Variants in CLCN2 observed in about 807,000 individuals in gnomAD.
CLCN2 encodes chloride channel protein 2.
In CLCN2, 72 loss-of-function variants were observed where a neutral mutation model predicts 108.3. The observed-to-expected ratio is 0.66, with a 90% CI of 0.55 to 0.81. The LOEUF (loss-of-function observed/expected upper bound fraction) is 0.81, where lower values mean the gene tolerates loss of function less well. CLCN2 is among the 30% of genes least tolerant of loss of function. The pLI is 0.00. For synonymous variants in CLCN2, 471 were observed against 467.1 expected (o/e 1.01, Z -0.11); for missense variants, 1,048 against 1,205.2 (o/e 0.87, Z 1.93).
chr3:184,360,848 C>T (rs1711980668), intron 1 of CLCN2, among the ~76,000 whole-genome samples: 1 of 152,216 alleles, frequency 6.6e-6, no homozygotes. Flanking sequence ...TCCTGCTTCA[C>T]CCACCCTCCC....
rs141074059 is a variant in CLCN2 at position 184,357,361 on chromosome 3, C to T, written c.898+1G>A. Reference sequence around the variant, plus strand: ...TGCCCTCATCCCCTGGGTGCCCCCACCTTCATCCCGGTTCCAGACTGCCAA... The same window carrying T: ...TGCCCTCATCCCCTGGGTGCCCCCATCTTCATCCCGGTTCCAGACTGCCAA... On this transcript the variant is annotated splice_donor_variant, in intron 8 of 23. Transcript: ENST00000265593. LOFTEE classifies it high-confidence loss of function. 1.3e-5 allele frequency: 21 copies of T among 1,613,960 alleles called. No individual in the cohort carries two copies. In the African/African-American group the frequency reaches 2.7e-4, roughly 21 times the overall value.
At chr3:184,347,438 A>G (rs2108553923) in intron 22 of CLCN2, 1 of 334,948 alleles carries the variant, frequency 3.0e-6, no homozygotes, top group Admixed American at 4.1e-5. Flanking sequence ...GGGGCTCAAC[A>G]GTGAAGTGAC....
Position 184,355,201 on chromosome 3 carries a change from G to A in CLCN2, c.1326+173C>T. On this transcript the variant is annotated intron_variant, in intron 12 of 23. Transcript: ENST00000265593. This position sits in a 1 kb window ranked among gnomAD's most constrained non-coding sequence, Gnocchi z 6.3. ...CAGATCATCGCTCTGCCCTCTAGCTGTGTGACTTTGGGCCAGCTACTTGTG... is the reference window on the plus strand; with the variant it reads ...CAGATCATCGCTCTGCCCTCTAGCTATGTGACTTTGGGCCAGCTACTTGTG... 2.4e-6 allele frequency: 2 copies of A among 829,102 alleles called. No homozygotes were observed. The highest frequency in any genetic ancestry group is 2.0e-6 in the Non-Finnish European group (1 of 491,286). The allele number at this position is 829,102 out of a possible 1,614,324, so 51.4% of individuals were successfully genotyped here. A position where few individuals can be genotyped will look rare whatever the true frequency, so the allele number is the denominator to read the frequency against.
At chr3:184,351,945 A>AG in intron 22 of CLCN2, 68 bp downstream of exon 22, 1 of 1,167,766 alleles carries the variant, frequency 8.6e-7, no homozygotes, top group Non-Finnish European at 1.3e-6. Context: ...CCAAACTTGT[A>AG]GGGGGACCAA....
intron 15 of CLCN2, 99 bp downstream of exon 15, chr3:184,354,002 C>T (rs902562888): frequency 3.0e-5 from 43 of 1,409,872 alleles, no homozygotes; most frequent in Middle Eastern, 4.6e-4. Flanking sequence ...CATCTCCCAG[C>T]TTCGTAGGCT....
intron 22 of CLCN2, chr3:184,349,716 A>G (rs893077903): frequency 6.6e-6 from 1 of 152,226 alleles, no homozygotes; most frequent in Non-Finnish European, 1.5e-5. Flanking sequence ...TAGAAAACCC[A>G]GTGAGGTGTG....
Position 184,361,597 on chromosome 3 carries a change from G to T in CLCN2, c.-118C>A. 1.0e-6 allele frequency: 1 copy of T among 997,266 alleles called. No individual in the cohort carries two copies. The highest frequency in any genetic ancestry group is 1.4e-6 in the Non-Finnish European group (1 of 731,646). The allele number at this position is 997,266 out of a possible 1,614,324, so 61.8% of individuals were successfully genotyped here. On this transcript the variant is annotated 5_prime_UTR_variant, in exon 1 of 24. Coordinates refer to ENST00000265593, the MANE Select transcript of CLCN2 (RefSeq NM_004366.6). This position sits in a 1 kb window ranked among gnomAD's most constrained non-coding sequence, Gnocchi z 6.6. ...GTCCCCGCAGCCCGGGAGGCCGAGA[G>T]CAGAGTGCGGCGGGCCCCCGGCGGG...
Position 184,346,254 on chromosome 3 carries a change from T to C in CLCN2, c.*352A>G, listed in dbSNP as rs574650604. On this transcript the variant is annotated 3_prime_UTR_variant, in exon 24 of 24. Transcript: ENST00000265593. This position sits in a 1 kb window ranked among gnomAD's most constrained non-coding sequence, Gnocchi z 6.0. ...AAGAATTTGTTTTATTAAATTAATA[T>C]AAAAATCTTTGTAAATCTCTATATA... 3 of 284,372 alleles carry C rather than the reference T, an allele frequency of 1.1e-5. No individual in the cohort carries two copies. The highest frequency in any genetic ancestry group is 2.0e-5 in the Non-Finnish European group (3 of 147,556). 17.6% of individuals were successfully genotyped at this position (284,372 alleles called of 1,614,324 possible). A position where few individuals can be genotyped will look rare whatever the true frequency, so the allele number is the denominator to read the frequency against.
chr3:184,355,393 A>G lies in CLCN2; in HGVS notation c.1307T>C (p.Val436Ala), dbSNP rs1290392424. 1 of 1,613,920 alleles carries G rather than the reference A, an allele frequency of 6.2e-7. No homozygotes were observed. The highest frequency in any genetic ancestry group is 1.1e-5 in the South Asian group (1 of 91,068). Residue 436 changes from valine (V) to alanine (A), a missense_variant, in exon 12 of 24, where the codon GTC becomes GCC. By Grantham distance (64) the Val-to-Ala change is moderately conservative. Coordinates refer to ENST00000265593, the MANE Select transcript of CLCN2 (RefSeq NM_004366.6). The surrounding 1 kb of genome is among the most constrained non-coding windows in gnomAD (Gnocchi z 6.3). ...GCCCACCTTCATGAGAATGAAGATG[A>G]CCAGGGTGAGGAAGACGTTGGCACG... ...PPRANVFLTL[V>A]IFILMKFWMS...
chr3:184,352,694 C>T (rs777222238), intron 19 of CLCN2, 43 bp downstream of exon 19: 15 of 1,600,746 alleles, frequency 9.4e-6, no homozygotes, highest in Non-Finnish European at 1.3e-5. Context: ...GGAGAGGGAG[C>T]TGGGGAAAAA....
chr3:184,348,071 G>C (rs1007733654), intron 22 of CLCN2: 2 of 152,202 alleles, frequency 1.3e-5, no homozygotes, highest in Non-Finnish European at 2.9e-5. Context: ...CAATTACTCA[G>C]AACTCACTTA....
chr3:184,353,499 G>A (rs1329138859), intron 16 of CLCN2, 77 bp from the exon 17 acceptor site: 4 of 1,543,568 alleles, frequency 2.6e-6, no homozygotes, highest in African/African-American at 2.7e-5. Context: ...ACTCAGAGTG[G>A]GGGGCCTTGC....
Position 184,354,155 on chromosome 3 carries a change from A to G in CLCN2, c.1667T>C (p.Ile556Thr), listed in dbSNP as rs1353899025. Residue 556 changes from isoleucine (I) to threonine (T), a missense_variant, in exon 15 of 24, where the codon ATC (isoleucine) becomes ACC (threonine). By Grantham distance (89) the Ile-to-Thr change is moderately conservative. Transcript: ENST00000265593. ...QSLQPSLYDS[I>T]IRIKKLPYLP... ...GTAGGGCAGTTTCTTGATTCGGATG[A>G]TGCTGTCATAGAGGGAGGGCTGCAG... 6.2e-7 allele frequency: 1 copy of G among 1,612,848 alleles called. No individual in the cohort carries two copies. The highest frequency in any genetic ancestry group is 8.5e-7 in the Non-Finnish European group (1 of 1,179,870).
At position 184,354,096 on chromosome 3, in the gene CLCN2, C is replaced by T. The variant is rs200332081; in HGVS notation, c.1721+5G>A. 15 of 1,611,364 alleles carry T rather than the reference C, an allele frequency of 9.3e-6. No homozygotes were observed. The highest frequency in any genetic ancestry group is 8.4e-5 in the Admixed American group (5 of 59,784). ...ACAGCCCCCTTGGCACCCAGCCCTC[C>T]GTACTGGTGGCGGCCCCAGCCGAGC... On this transcript the variant is annotated splice_donor_5th_base_variant and intron_variant, in intron 15 of 23. Transcript: ENST00000265593.
intron 13 of CLCN2, 38 bp from the exon 14 acceptor site, chr3:184,354,696 AG>A (rs767100959): frequency 1.3e-5 from 10 of 759,128 alleles, no homozygotes; most frequent in Admixed American, 3.2e-5. Context: ...GAGGCAGTGG[AG>A]GGGGAGGGCA....
In CLCN2 at chr3:184,357,677, T is replaced by C. The variant is rs1284930591; in HGVS notation, c.715A>G (p.Met239Val). Residue 239 changes from methionine to valine, a missense_variant, in exon 7 of 24, where the codon ATG (methionine) becomes GTG (valine). Met to Val is a conservative substitution (Grantham distance 21). Coordinates refer to ENST00000265593, the MANE Select transcript of CLCN2 (RefSeq NM_004366.6). ...IYENESRNTE[M>V]LAAACAVGVG... ...CCCACGGCACAGGCGGCAGCCAGCA[T>C]CTCTGTGTTCCGGGATTCATTCTGG... 6.2e-7 allele frequency: 1 copy of C among 1,614,076 alleles called. No homozygotes were observed. The highest frequency in any genetic ancestry group is 8.5e-7 in the Non-Finnish European group (1 of 1,180,024).
intron 19 of CLCN2, 98 bp from the exon 20 acceptor site, chr3:184,352,594 G>A (rs1391464490): frequency 1.3e-5 from 19 of 1,457,026 alleles, no homozygotes; most frequent in East Asian, 2.3e-5. Context: ...GAAAGGGCAC[G>A]CCACAGGACC....
In CLCN2 at chr3:184,357,769, T is replaced by C; in HGVS notation, c.693+10A>G. On this transcript the variant is annotated intron_variant, in intron 6 of 23. Transcript: ENST00000265593. ...CCTCTGCCCCCTACTTGCCCCAGGG[T>C]TCCCCTTACCTCATAGATACCCCCA... 2 of 1,613,790 alleles carry C rather than the reference T, an allele frequency of 1.2e-6. No homozygotes were observed. The highest frequency in any genetic ancestry group is 2.2e-5 in the South Asian group (2 of 91,072).
At chr3:184,357,143 C>T in intron 9 of CLCN2, 39 bp downstream of exon 9, 1 of 1,610,102 alleles carries the variant, frequency 6.2e-7, no homozygotes, top group Non-Finnish European at 8.5e-7. Flanking sequence ...CTAGAAACCC[C>T]CCTCCTCTCT....
Sources: allele counts gnomAD v4.1 joint callset (sites outside exome capture counted in the v4.1 genomes callset), GRCh38; gene constraint gnomAD v4.1.1; non-coding constraint Gnocchi (gnomAD v3.1); transcripts MANE v1.5; gene names NCBI Gene and HGNC (gene_info 2026-07-23, HGNC 2026-07-21).